The following LUZP2 variants were observed in gnomAD, a reference collection of about 807,000 sequenced individuals.
LUZP2 encodes the protein leucine zipper protein 2.
A neutral mutation model predicts 51.6 loss-of-function variants in LUZP2; 52 were observed. That is an observed-to-expected ratio of 1.01 (90% CI 0.81 to 1.27). The LOEUF is 1.27. Among genes scored for constraint, LUZP2 ranks in the 50% most tolerant of loss-of-function variants. LUZP2 has a pLI of 0.00. For missense variants in LUZP2, 436 were observed against 395.4 expected, an observed-to-expected ratio of 1.10 and a Z score of -0.87; for synonymous variants, 154 against 137.3, an observed-to-expected ratio of 1.12 and a Z score of -0.85.
intron 5 of LUZP2, among the ~76,000 whole-genome samples, chr11:24,871,175 T>G (rs1852059083): frequency 6.6e-6 from 1 of 152,116 alleles, no homozygotes; most frequent in South Asian, 2.1e-4. Context: ...TTACAAAATT[T>G]CTTTCAATAT....
At chr11:24,744,847 G>T (rs907500151) in intron 4 of LUZP2, among the ~76,000 whole-genome samples, 1 of 152,004 alleles carries the variant, frequency 6.6e-6, no homozygotes, top group Non-Finnish European at 1.5e-5. Context: ...GGCATTTAGG[G>T]CTATGAACTT....
At chr11:24,848,628 T>C (rs1851281469) in intron 5 of LUZP2, among the ~76,000 whole-genome samples, 1 of 152,164 alleles carries the variant, frequency 6.6e-6, no homozygotes. Context: ...TGCATCTTTG[T>C]CCTCTGCCTT....
intron 1 of LUZP2, among the ~76,000 whole-genome samples, chr11:24,625,009 G>A (rs759340722): frequency 5.3e-5 from 8 of 152,108 alleles, no homozygotes; most frequent in Admixed American, 2.0e-4. Context: ...GAGCACAGAA[G>A]GAAATCCTGT....
At chr11:24,853,585 G>C (rs1851460757) in intron 5 of LUZP2, among the ~76,000 whole-genome samples, 2 of 151,874 alleles carry the variant, frequency 1.3e-5, no homozygotes, top group South Asian at 4.1e-4. Flanking sequence ...TAGCTTGGAG[G>C]AGTTTGTTAT....
chr11:24,699,616 G>A (rs2133906231), intron 1 of LUZP2, among the ~76,000 whole-genome samples: 1 of 150,346 alleles, frequency 6.7e-6, no homozygotes, highest in Non-Finnish European at 1.5e-5. Flanking sequence ...GACGGTAGAT[G>A]GATATATAGA....
At chr11:25,064,581 A>G (rs1446166) in intron 10 of LUZP2, among the ~76,000 whole-genome samples, 55,151 of 152,010 alleles carry the variant, frequency 0.36, 12,411 homozygotes, top group East Asian at 0.78. Context: ...ACTCTATTTC[A>G]TAAAATCTCA....
chr11:24,741,889 A>G (rs1371047462), intron 4 of LUZP2, among the ~76,000 whole-genome samples: 3 of 139,148 alleles, frequency 2.2e-5, no homozygotes, highest in Non-Finnish European at 4.6e-5. Flanking sequence ...ATATATATTT[A>G]TATACATATA....
chr11:24,583,519 A>T (rs1852948046), intron 1 of LUZP2, among the ~76,000 whole-genome samples: 1 of 152,138 alleles, frequency 6.6e-6, no homozygotes, highest in Non-Finnish European at 1.5e-5. Context: ...AACTTTTAAT[A>T]TTCCAAATAA....
At chr11:24,755,748 A>G (rs945451425) in intron 4 of LUZP2, among the ~76,000 whole-genome samples, 1 of 152,192 alleles carries the variant, frequency 6.6e-6, no homozygotes, top group African/African-American at 2.4e-5. Context: ...CTGACAAAAC[A>G]GACTCTTTGT....
intron 1 of LUZP2, among the ~76,000 whole-genome samples, chr11:24,578,591 C>G (rs907062238): frequency 6.6e-6 from 1 of 151,626 alleles, no homozygotes; most frequent in Admixed American, 6.6e-5. Context: ...AGAAACACAC[C>G]CATGAAAAAG....
chr11:24,551,121 GT>G (rs1218371237), intron 1 of LUZP2, among the ~76,000 whole-genome samples: 4 of 151,858 alleles, frequency 2.6e-5, no homozygotes, highest in Non-Finnish European at 5.9e-5. Context: ...TAAGAAAATA[GT>G]TTTTTAAGCC....
chr11:24,843,861 G>T (rs1333093356), intron 5 of LUZP2, among the ~76,000 whole-genome samples: 1 of 152,118 alleles, frequency 6.6e-6, no homozygotes, highest in Non-Finnish European at 1.5e-5. Flanking sequence ...CTCTCTCTTT[G>T]CCTGCCACCA....
At chr11:25,072,297 G>C (rs2028861) in intron 10 of LUZP2, among the ~76,000 whole-genome samples, 2 of 152,050 alleles carry the variant, frequency 1.3e-5, no homozygotes, top group Non-Finnish European at 2.9e-5. Flanking sequence ...CTCCACTAGA[G>C]TATAACCTCC....
chr11:24,665,296 G>A (rs113387123), intron 1 of LUZP2, among the ~76,000 whole-genome samples: 8 of 152,270 alleles, frequency 5.3e-5, no homozygotes, highest in African/African-American at 1.7e-4. Context: ...CCCATTGCCT[G>A]TACTCCATCG....
chr11:24,909,536 T>G (rs1201066475), intron 6 of LUZP2, among the ~76,000 whole-genome samples: 1 of 151,504 alleles, frequency 6.6e-6, no homozygotes, highest in African/African-American at 2.4e-5. Flanking sequence ...TCTGTTTTCC[T>G]GAGAAACCTG....
chr11:24,823,472 T>C (rs1017743483), intron 5 of LUZP2, among the ~76,000 whole-genome samples: 3 of 151,538 alleles, frequency 2.0e-5, no homozygotes, highest in Admixed American at 6.6e-5. Flanking sequence ...TTGAGTGTAA[T>C]ACAAAATATT....
chr11:24,928,763 C>T (rs1050126015), intron 7 of LUZP2, among the ~76,000 whole-genome samples: 9 of 151,978 alleles, frequency 5.9e-5, no homozygotes, highest in Non-Finnish European at 8.8e-5. Context: ...GAGTGGATTT[C>T]CTCTTTCTTA....
intron 5 of LUZP2, among the ~76,000 whole-genome samples, chr11:24,881,128 T>C (rs1450505425): frequency 6.6e-6 from 1 of 152,182 alleles, no homozygotes; most frequent in Non-Finnish European, 1.5e-5. Context: ...CTGTCTGTGG[T>C]ATATGAATTT....
chr11:24,550,212 G>A (rs575148415), intron 1 of LUZP2, among the ~76,000 whole-genome samples: 1 of 152,012 alleles, frequency 6.6e-6, no homozygotes, highest in African/African-American at 2.4e-5. Context: ...CAGTGTGTTA[G>A]AAATATTTTA....
Sources: gnomAD v4.1 joint callset for allele counts (sites outside exome capture counted in the v4.1 genomes callset) on GRCh38, gnomAD v4.1.1 for gene constraint, MANE v1.5 for transcripts, NCBI Gene and HGNC (gene_info 2026-07-23, HGNC 2026-07-21) for gene names.